Variants in FAAH2 observed in about 807,000 individuals in gnomAD.
FAAH2 encodes the protein fatty-acid amide hydrolase 2.
A neutral mutation model predicts 36.9 loss-of-function variants in FAAH2; 60 were observed. That is an observed-to-expected ratio of 1.63 (90% CI 1.32 to 2.02). The LOEUF (loss-of-function observed/expected upper bound fraction) is 2.02. Among genes scored for constraint, FAAH2 ranks in the 30% most tolerant of loss-of-function variants. FAAH2 has a pLI of 0.00. For synonymous variants in FAAH2, 214 were observed against 143.8 expected (o/e 1.49, Z -3.49); for missense variants, 689 against 397.5 (o/e 1.73, Z -6.23).
chrX:57,377,847 AG>A (rs1435369404), intron 5 of FAAH2, among the ~76,000 whole-genome samples: 2 of 111,891 alleles, frequency 1.8e-5, no homozygotes, highest in African/African-American at 6.5e-5. Context: ...TTCTCCTTGA[AG>A]AGGTCCTTCA....
the FAAH2 span, among the ~76,000 whole-genome samples, chrX:57,128,583 A>G: frequency 2.7e-5 from 3 of 111,729 alleles, no homozygotes; most frequent in Non-Finnish European, 5.7e-5. Context: ...AAATTAGTAG[A>G]CTATATAGCA....
At chrX:57,188,302 A>C in the FAAH2 span, among the ~76,000 whole-genome samples, 2 of 111,153 alleles carry the variant, frequency 1.8e-5, no homozygotes, top group Non-Finnish European at 3.8e-5. Context: ...GGGTGTATGC[A>C]TCCAGGAATT....
chrX:57,183,485 G>A, the FAAH2 span, among the ~76,000 whole-genome samples: 13 of 111,659 alleles, frequency 1.2e-4, no homozygotes, highest in African/African-American at 2.9e-4. Flanking sequence ...GAATTGTTGC[G>A]GGAAGTCAGG....
the FAAH2 span, among the ~76,000 whole-genome samples, chrX:57,270,098 T>C: frequency 8.9e-6 from 1 of 111,953 alleles, no homozygotes; most frequent in Non-Finnish European, 1.9e-5. Flanking sequence ...CATTTATGCA[T>C]ATAAATTAGA....
the FAAH2 span, among the ~76,000 whole-genome samples, chrX:57,184,969 G>T: frequency 9.0e-6 from 1 of 111,136 alleles, no homozygotes; most frequent in African/African-American, 3.3e-5. Context: ...TAAATAGTAG[G>T]TGTATATATT....
At chrX:57,249,703 A>C in the FAAH2 span, among the ~76,000 whole-genome samples, 1 of 111,989 alleles carries the variant, frequency 8.9e-6, no homozygotes, top group Admixed American at 9.5e-5. Context: ...GAGACCAAGT[A>C]GCTGGACTCC....
chrX:57,472,690 T>C (rs565120222), intron 10 of FAAH2, among the ~76,000 whole-genome samples: 1 of 106,837 alleles, frequency 9.4e-6, no homozygotes, highest in African/African-American at 3.4e-5. Context: ...ACTGACTAGA[T>C]TTTTTTTTTT....
intron 8 of FAAH2, among the ~76,000 whole-genome samples, chrX:57,440,831 A>G (rs188637965): frequency 1.8e-5 from 2 of 111,737 alleles, no homozygotes; most frequent in East Asian, 5.6e-4. Context: ...AATTTTGTCA[A>G]TGGCCTTTTC....
intron 8 of FAAH2, among the ~76,000 whole-genome samples, chrX:57,434,257 G>A (rs995639168): frequency 9.2e-6 from 1 of 108,530 alleles, no homozygotes; most frequent in African/African-American, 3.4e-5. Flanking sequence ...TGTATTTTTA[G>A]TAGAGATGGG....
the FAAH2 span, among the ~76,000 whole-genome samples, chrX:57,127,762 C>T: frequency 9.0e-6 from 1 of 110,988 alleles, no homozygotes. Flanking sequence ...AGTGTTCTCA[C>T]GTTCCACCTT....
intron 6 of FAAH2, 21 bp from the exon 7 acceptor site, chrX:57,380,891 T>C (rs1261372380): frequency 9.9e-7 from 1 of 1,009,219 alleles, no homozygotes; most frequent in Admixed American, 2.8e-5. Context: ...TTGATGTCAG[T>C]TTCTTTTTAA....
At chrX:57,488,203 G>T (rs5914118) in intron 10 of FAAH2, among the ~76,000 whole-genome samples, 3 of 110,505 alleles carry the variant, frequency 2.7e-5, no homozygotes, top group Non-Finnish European at 5.7e-5. Context: ...CATTTGAAAC[G>T]GGGAATCTTA....
chrX:57,460,250 G>A (rs1057466755), intron 10 of FAAH2, among the ~76,000 whole-genome samples: 2 of 111,536 alleles, frequency 1.8e-5, no homozygotes, highest in African/African-American at 6.5e-5. Flanking sequence ...TATTACCCAG[G>A]AAAACTTCCC....
the FAAH2 span, among the ~76,000 whole-genome samples, chrX:57,163,172 T>C: frequency 1.8e-5 from 2 of 112,114 alleles, no homozygotes; most frequent in African/African-American, 3.2e-5. Flanking sequence ...TTATGCTGCT[T>C]GGGGGTCAGG....
At chrX:57,224,333 A>C in the FAAH2 span, among the ~76,000 whole-genome samples, 1 of 111,663 alleles carries the variant, frequency 9.0e-6, no homozygotes, top group African/African-American at 3.3e-5. Flanking sequence ...CAATACCCCC[A>C]AAATTAAGAT....
Position 57,292,510 on chromosome X carries a change from G to C in FAAH2, c.205G>C (p.Asp69His). 8.3e-7 allele frequency: 1 copy of C among 1,208,210 alleles called. No individual in the cohort carries two copies. Among genetic ancestry groups the C allele is most frequent in the Non-Finnish European group, 1.1e-6 (1 of 893,209 alleles). The change falls in exon 2 of 11, where the codon GAT (aspartate) becomes CAT (histidine). Residue 69 changes from aspartate to histidine, a missense_variant. Coordinates refer to ENST00000374900, the MANE Select transcript of FAAH2 (RefSeq NM_174912.4). ...LIRQRKVKCI[D>H]VVQAYINRIK... ...TTGTATTTTGCAGGTGAAATGTATA[G>C]ATGTTGTTCAGGCTTATATCAACAG...
the FAAH2 span, among the ~76,000 whole-genome samples, chrX:57,213,443 A>C: frequency 9.0e-6 from 1 of 111,127 alleles, no homozygotes; most frequent in Non-Finnish European, 1.9e-5. Context: ...TGATCTTTCC[A>C]TTCTTTTGAT....
intron 7 of FAAH2, among the ~76,000 whole-genome samples, chrX:57,416,985 C>T (rs920558914): frequency 9.0e-6 from 1 of 111,392 alleles, no homozygotes; most frequent in Non-Finnish European, 1.9e-5. Context: ...AGTTAATCTT[C>T]AATCTCTGAT....
intron 7 of FAAH2, among the ~76,000 whole-genome samples, chrX:57,406,826 A>C (rs1251646360): frequency 8.9e-6 from 1 of 112,561 alleles, no homozygotes; most frequent in African/African-American, 3.2e-5. Context: ...GGTGGTGGGC[A>C]CACATTCAGT....
Sources: gnomAD v4.1 joint callset for allele counts (sites outside exome capture counted in the v4.1 genomes callset) on GRCh38, gnomAD v4.1.1 for gene constraint, MANE v1.5 for transcripts, NCBI Gene and HGNC (gene_info 2026-07-23, HGNC 2026-07-21) for gene names.